Variants in SLC16A12 observed in about 807,000 individuals in gnomAD.
The protein encoded by SLC16A12 is monocarboxylate transporter 12.
A neutral mutation model predicts 42.4 loss-of-function variants in SLC16A12; 17 were observed. The ratio of observed to expected loss-of-function variants is 0.40; its 90% CI spans 0.27 to 0.60. The LOEUF (loss-of-function observed/expected upper bound fraction) is 0.60, where lower values mean the gene tolerates loss of function less well. Among genes scored for constraint, SLC16A12 ranks in the 20% least tolerant of loss-of-function variants. The probability of loss-of-function intolerance (pLI) is 0.42; values close to 1 mark genes in which losing one functional copy is unlikely to be tolerated. For missense variants in SLC16A12, 544 were observed against 623.0 expected, an observed-to-expected ratio of 0.87 and a Z score of 1.35; for synonymous variants, 224 against 229.4, an observed-to-expected ratio of 0.98 and a Z score of 0.21.
intron 2 of SLC16A12, among the ~76,000 whole-genome samples, chr10:89,548,535 G>A (rs371940509): frequency 2.0e-5 from 3 of 152,130 alleles, no homozygotes; most frequent in East Asian, 1.9e-4. Context: ...ACGCAGTCGC[G>A]ACTGGGCAGA....
At chr10:89,537,346 G>GT (rs1256854117), upstream of SLC16A12, among the ~76,000 whole-genome samples, 17 of 151,934 alleles carry the variant, frequency 1.1e-4, no homozygotes, top group East Asian at 1.9e-4. Context: ...CAAGCCAGGG[G>GT]TTTTTTTAAA....
chr10:89,498,296 C>A (rs1397471458), intron 2 of SLC16A12, among the ~76,000 whole-genome samples: 2 of 152,230 alleles, frequency 1.3e-5, no homozygotes, highest in African/African-American at 4.8e-5. Context: ...CATGCCACTG[C>A]ACTCCAGCCT....
intron 2 of SLC16A12, among the ~76,000 whole-genome samples, chr10:89,508,123 T>A (rs978802713): frequency 6.6e-6 from 1 of 152,120 alleles, no homozygotes; most frequent in Non-Finnish European, 1.5e-5. Context: ...CACACAGCAA[T>A]AGTGGGAGAC....
At chr10:89,463,903 G>A (rs1190974278) in intron 2 of SLC16A12, among the ~76,000 whole-genome samples, 1 of 152,178 alleles carries the variant, frequency 6.6e-6, no homozygotes, top group Non-Finnish European at 1.5e-5. Flanking sequence ...GACTCTGGTT[G>A]TTCATATCTT....
intron 2 of SLC16A12, among the ~76,000 whole-genome samples, chr10:89,494,943 G>A (rs975678388): frequency 3.9e-5 from 6 of 152,156 alleles, no homozygotes; most frequent in African/African-American, 9.7e-5. Flanking sequence ...CAGATACAGC[G>A]GAAGTAGCAA....
chr10:89,499,083 A>C (rs1482577896), intron 2 of SLC16A12, among the ~76,000 whole-genome samples: 4 of 152,186 alleles, frequency 2.6e-5, no homozygotes, highest in South Asian at 2.1e-4. Flanking sequence ...AACATCCCCC[A>C]AAAAATCACA....
chr10:89,536,781 T>G (rs1843668910), upstream of SLC16A12, among the ~76,000 whole-genome samples: 1 of 152,172 alleles, frequency 6.6e-6, no homozygotes, highest in Admixed American at 6.5e-5. Flanking sequence ...TTTGCAAGAT[T>G]CCCTGGTGAT....
intron 3 of SLC16A12, among the ~76,000 whole-genome samples, chr10:89,456,931 A>G (rs1842202327): frequency 6.6e-6 from 1 of 152,176 alleles, no homozygotes; most frequent in Non-Finnish European, 1.5e-5. Context: ...TATATGTACC[A>G]CATTTTCTTT....
intron 2 of SLC16A12, among the ~76,000 whole-genome samples, chr10:89,492,612 C>T (rs370413539): frequency 1.3e-5 from 2 of 152,092 alleles, no homozygotes; most frequent in Non-Finnish European, 2.9e-5. Flanking sequence ...CTACTAAAAA[C>T]ACAAGAGTGC....
At chr10:89,529,206 C>A (rs1417400773) in intron 2 of SLC16A12, among the ~76,000 whole-genome samples, 4 of 151,970 alleles carry the variant, frequency 2.6e-5, no homozygotes, top group African/African-American at 9.7e-5. Context: ...ATTTCTGTTT[C>A]AAGAAATACA....
upstream of SLC16A12, among the ~76,000 whole-genome samples, chr10:89,537,204 A>G (rs10881599): frequency 0.55 from 75,364 of 137,014 alleles, 21,006 homozygotes; most frequent in African/African-American, 0.77. Context: ...TAAAGAAGGG[A>G]TTTCACTATG....
intron 2 of SLC16A12, among the ~76,000 whole-genome samples, chr10:89,493,513 C>G (rs1842879017): frequency 6.6e-6 from 1 of 152,168 alleles, no homozygotes; most frequent in Non-Finnish European, 1.5e-5. Context: ...TTTTGTCACC[C>G]TGAGTTTAAT....
At position 89,497,350 on chromosome 10, in the gene SLC16A12, G is replaced by A. The variant is rs111934597; in HGVS notation, c.-46-34726C>T. 1.1e-3 allele frequency among the ~76,000 whole-genome samples: 172 copies of A among 152,212 alleles called. 1 individual carries two copies. Among genetic ancestry groups the A allele is most frequent in the African/African-American group, 4.0e-3 (165 of 41,524 alleles). ...TATTTATTCTCAAAAAATACAGGTA[G>A]AAACAAAGAAATTCAGAGGTTAACG... On this transcript the variant is annotated intron_variant, in intron 2 of 7. Coordinates refer to ENST00000371790, the MANE Select transcript of SLC16A12 (RefSeq NM_213606.4).
At chr10:89,477,107 A>G (rs1842592980) in intron 2 of SLC16A12, among the ~76,000 whole-genome samples, 1 of 152,222 alleles carries the variant, frequency 6.6e-6, no homozygotes. Flanking sequence ...CCTTCAAGAT[A>G]CGGATGGTCG....
intron 6 of SLC16A12, 32 bp from the exon 7 acceptor site, chr10:89,436,351 G>A (rs993822492): frequency 6.8e-6 from 11 of 1,613,520 alleles, no homozygotes; most frequent in South Asian, 1.1e-5. Flanking sequence ...ATAAGTGCAG[G>A]AGGTACACAT....
rs1841715967 is a variant in SLC16A12, at chr10:89,432,972, C to G, written c.*92G>C. ...AATAATAATTTCCTTGGAAGGCAAT[C>G]CTTCTGCCAAAATAAAAAGTTTCAG... is the stretch of plus-strand genomic sequence containing the variant. On this transcript the variant is annotated 3_prime_UTR_variant, in exon 8 of 8. Transcript: ENST00000371790. The G allele has an allele frequency of 6.6e-7, 1 of 1,523,586 alleles. No homozygotes were observed. Among genetic ancestry groups the G allele is most frequent in the Admixed American group, 2.0e-5 (1 of 48,938 alleles). 94.4% of individuals were successfully genotyped at this position (1,523,586 alleles called of 1,614,324 possible).
chr10:89,481,967 A>G (rs1037142332), intron 2 of SLC16A12, among the ~76,000 whole-genome samples: 15 of 152,182 alleles, frequency 9.9e-5, no homozygotes, highest in African/African-American at 3.4e-4. Context: ...ACCGGAAGCT[A>G]GGAGAAAAAC....
At chr10:89,531,149 G>A (rs570169205) in intron 2 of SLC16A12, among the ~76,000 whole-genome samples, 35 of 151,966 alleles carry the variant, frequency 2.3e-4, no homozygotes, top group Non-Finnish European at 4.1e-4. Context: ...TGGCACTTTG[G>A]GAGGCCAAGG....
chr10:89,473,515 A>G (rs1185912093), intron 2 of SLC16A12, among the ~76,000 whole-genome samples: 3 of 152,238 alleles, frequency 2.0e-5, no homozygotes, highest in Non-Finnish European at 4.4e-5. Flanking sequence ...TTTTTTAGAG[A>G]GGACAAAAGC....
Sources: allele counts gnomAD v4.1 joint callset (sites outside exome capture counted in the v4.1 genomes callset), GRCh38; gene constraint gnomAD v4.1.1; transcripts MANE v1.5; gene names NCBI Gene and HGNC (gene_info 2026-07-23, HGNC 2026-07-21).